Variants in SLC71A1 observed in about 807,000 individuals in gnomAD.
The protein encoded by SLC71A1 is solute carrier family 71 member 1.
At chr1:100,062,513 C>G in the SLC71A1 span, among the ~76,000 whole-genome samples, 1 of 152,090 alleles carries the variant, frequency 6.6e-6, no homozygotes, top group Non-Finnish European at 1.5e-5. Context: ...AATGTGTCAT[C>G]TATCAAATCT....
At chr1:100,040,102 CTT>C in the SLC71A1 span, among the ~76,000 whole-genome samples, 1 of 152,182 alleles carries the variant, frequency 6.6e-6, no homozygotes, top group Non-Finnish European at 1.5e-5. Flanking sequence ...TCTTTATACA[CTT>C]AATATTTCAT....
the SLC71A1 span, among the ~76,000 whole-genome samples, chr1:100,040,786 A>C: frequency 6.6e-6 from 1 of 152,062 alleles, no homozygotes; most frequent in African/African-American, 2.4e-5. Flanking sequence ...AAGGGGAAAA[A>C]ATTGCCATTT....
chr1:100,062,295 T>C, the SLC71A1 span, among the ~76,000 whole-genome samples: 1 of 152,196 alleles, frequency 6.6e-6, no homozygotes, highest in East Asian at 1.9e-4. Flanking sequence ...TAATCTAAAA[T>C]ACAACAGGCT....
chr1:100,047,062 C>G, the SLC71A1 span, among the ~76,000 whole-genome samples: 1 of 152,174 alleles, frequency 6.6e-6, no homozygotes, highest in African/African-American at 2.4e-5. Context: ...CTTACTCATG[C>G]TTAATTGCTC....
chr1:100,073,869 A>C, the SLC71A1 span, among the ~76,000 whole-genome samples: 3 of 152,238 alleles, frequency 2.0e-5, no homozygotes, highest in African/African-American at 2.4e-5. Context: ...CTTCAAAATG[A>C]GAGTTAAATT....
chr1:100,071,022 T>C, the SLC71A1 span, among the ~76,000 whole-genome samples: 1 of 152,142 alleles, frequency 6.6e-6, no homozygotes, highest in East Asian at 1.9e-4. Flanking sequence ...TAGTACTATT[T>C]CTAGCTTCAG....
chr1:100,064,092 T>C, the SLC71A1 span, among the ~76,000 whole-genome samples: 5 of 152,144 alleles, frequency 3.3e-5, no homozygotes, highest in Non-Finnish European at 7.4e-5. Flanking sequence ...CATTTGAAAA[T>C]ATATATTTAT....
At chr1:100,047,381 C>T in the SLC71A1 span, among the ~76,000 whole-genome samples, 2 of 152,192 alleles carry the variant, frequency 1.3e-5, no homozygotes, top group Admixed American at 1.3e-4. Flanking sequence ...ACTATCCTTT[C>T]ATACCTGGAT....
the SLC71A1 span, among the ~76,000 whole-genome samples, chr1:100,065,741 TTTCTC>T: frequency 1.9e-4 from 29 of 150,806 alleles, no homozygotes; most frequent in South Asian, 6.1e-3. Context: ...TCCTTCCCCT[TTTCTC>T]TTCCCCTTTC....
At chr1:100,061,697 A>T in the SLC71A1 span, 1 of 635,332 alleles carries the variant, frequency 1.6e-6, no homozygotes, top group Non-Finnish European at 2.8e-6. Flanking sequence ...ATATTTATGG[A>T]ATAGTTAATC....
chr1:100,075,788 C>G, the SLC71A1 span, among the ~76,000 whole-genome samples: 1 of 152,160 alleles, frequency 6.6e-6, no homozygotes, highest in African/African-American at 2.4e-5. Context: ...GAGTGATCCT[C>G]TGGACTCAGC....
At chr1:100,080,948 T>C in the SLC71A1 span, among the ~76,000 whole-genome samples, 3 of 152,246 alleles carry the variant, frequency 2.0e-5, no homozygotes, top group Non-Finnish European at 4.4e-5. Flanking sequence ...TTTTCTAATA[T>C]CACAGTTGTG....
chr1:100,043,060 G>GTTT, the SLC71A1 span: 1 of 956,044 alleles, frequency 1.0e-6, no homozygotes, highest in Non-Finnish European at 1.2e-6. Flanking sequence ...TTAATATGCA[G>GTTT]TTTTTTTTTC....
the SLC71A1 span, among the ~76,000 whole-genome samples, chr1:100,063,813 G>A: frequency 1.3e-5 from 2 of 152,144 alleles, no homozygotes; most frequent in East Asian, 1.9e-4. Flanking sequence ...GGGGTTGGGG[G>A]GTGCGGGGTG....
the SLC71A1 span, chr1:100,080,605 A>G: frequency 1.2e-6 from 2 of 1,614,160 alleles, no homozygotes; most frequent in East Asian, 4.5e-5. Flanking sequence ...AAGAACTGCC[A>G]ATAACAGGAA....
At chr1:100,077,943 C>T in the SLC71A1 span, among the ~76,000 whole-genome samples, 1 of 152,168 alleles carries the variant, frequency 6.6e-6, no homozygotes, top group Non-Finnish European at 1.5e-5. Context: ...CCAAACTAGC[C>T]TTTGCAAAGA....
chr1:100,081,866 G>T, the SLC71A1 span: 1 of 671,778 alleles, frequency 1.5e-6, no homozygotes, highest in Middle Eastern at 4.1e-4. Context: ...AAAAGGGAAT[G>T]CCTTTTATAA....
chr1:100,059,958 G>A, the SLC71A1 span: 10 of 1,612,750 alleles, frequency 6.2e-6, no homozygotes, highest in Non-Finnish European at 8.5e-6. Flanking sequence ...TGCTGCTAAC[G>A]GTGTTTTTCA....
chr1:100,066,513 T>A, the SLC71A1 span, among the ~76,000 whole-genome samples: 2 of 152,148 alleles, frequency 1.3e-5, no homozygotes, highest in Non-Finnish European at 2.9e-5. Flanking sequence ...AGTTTTTTTT[T>A]CTTTAAGCTC....
Sources: gnomAD v4.1 joint callset for allele counts (sites outside exome capture counted in the v4.1 genomes callset) on GRCh38, gnomAD v4.1.1 for gene constraint, MANE v1.5 for transcripts, NCBI Gene and HGNC (gene_info 2026-07-23, HGNC 2026-07-21) for gene names.